The following CTNNA3 variants were observed in gnomAD, a reference collection of about 807,000 sequenced individuals.
CTNNA3 encodes catenin alpha-3.
A neutral mutation model predicts 95.7 loss-of-function variants in CTNNA3; 76 were observed. That is an observed-to-expected ratio of 0.79 (90% CI 0.66 to 0.96). The LOEUF is 0.96. Ranked by LOEUF, CTNNA3 falls within the 40% of genes least tolerant of loss-of-function variation. The pLI, the probability that CTNNA3 is intolerant of heterozygous loss-of-function variation, is 0.00. For synonymous variants in CTNNA3, 431 were observed against 374.4 expected, an observed-to-expected ratio of 1.15 and a Z score of -1.74; for missense variants, 1,191 against 1,089.8, an observed-to-expected ratio of 1.09 and a Z score of -1.31.
intron 7 of CTNNA3, among the ~76,000 whole-genome samples, chr10:66,963,473 CTT>C (rs1438167504): frequency 2.0e-5 from 3 of 152,144 alleles, no homozygotes; most frequent in African/African-American, 7.2e-5. Flanking sequence ...ACAACGATTA[CTT>C]TCCAAGTAGA....
At chr10:66,322,065 G>C (rs964594090) in intron 12 of CTNNA3, among the ~76,000 whole-genome samples, 26 of 152,236 alleles carry the variant, frequency 1.7e-4, no homozygotes, top group African/African-American at 6.3e-4. Context: ...CTGGTAGATA[G>C]GGCCCAGAAC....
At chr10:67,016,567 C>T (rs1334443304) in intron 7 of CTNNA3, among the ~76,000 whole-genome samples, 3 of 152,084 alleles carry the variant, frequency 2.0e-5, no homozygotes, top group Admixed American at 6.6e-5. Flanking sequence ...GAGTCTCAGG[C>T]GGGATTTCTA....
At chr10:67,637,077 G>A (rs1006527413) in intron 2 of CTNNA3, among the ~76,000 whole-genome samples, 3 of 152,272 alleles carry the variant, frequency 2.0e-5, no homozygotes, top group Admixed American at 1.3e-4. Flanking sequence ...AGCTAAAGGA[G>A]GAAGTTCGAA....
chr10:65,916,293 T>C lies in CTNNA3; in HGVS notation c.*4037A>G, dbSNP rs1435885487. 6.6e-6 allele frequency: 1 copy of C among 152,144 alleles called. No individual in the cohort carries two copies. The highest frequency in any genetic ancestry group is 1.5e-5 in the Non-Finnish European group (1 of 68,018). 9.4% of individuals were successfully genotyped at this position (152,144 alleles called of 1,614,324 possible). A position where few individuals can be genotyped will look rare whatever the true frequency, so the allele number is the denominator to read the frequency against. ...AAAATGAATATTTGATTCCTAAATATACAATAGGCAGGCTGTCTTGGCAAA... is the reference window on the plus strand; with the variant it reads ...AAAATGAATATTTGATTCCTAAATACACAATAGGCAGGCTGTCTTGGCAAA... On this transcript the variant is annotated 3_prime_UTR_variant, in exon 18 of 18. Transcript: ENST00000433211.
In CTNNA3 at chr10:66,663,375, G is replaced by A. The variant is rs10740246; in HGVS notation, c.1282-41591C>T. Among the ~76,000 whole-genome samples, 950 of 151,162 alleles carry A rather than the reference G, an allele frequency of 6.3e-3. 16 individuals carry two copies. The highest frequency in any genetic ancestry group is 0.021 in the African/African-American group (872 of 41,246). On this transcript the variant is annotated intron_variant, in intron 9 of 17. Coordinates refer to ENST00000433211, the MANE Select transcript of CTNNA3 (RefSeq NM_013266.4). ...ACTCTTCCCACTCTTTGGGACCATC[G>A]TCCTCCAAATTTGTCCAGGATATTT...
chr10:67,342,335 C>T (rs942475214), intron 5 of CTNNA3, among the ~76,000 whole-genome samples: 1 of 152,004 alleles, frequency 6.6e-6, no homozygotes, highest in African/African-American at 2.4e-5. Context: ...ATCTCCTGAC[C>T]TTGTGATCCA....
chr10:67,364,357 G>A (rs897533569), intron 5 of CTNNA3, among the ~76,000 whole-genome samples: 6 of 152,096 alleles, frequency 3.9e-5, no homozygotes, highest in Non-Finnish European at 7.4e-5. Flanking sequence ...CAAACCCACA[G>A]CCAATATCAT....
At chr10:66,937,630 T>G (rs542452712) in intron 7 of CTNNA3, among the ~76,000 whole-genome samples, 3 of 152,104 alleles carry the variant, frequency 2.0e-5, no homozygotes, top group African/African-American at 7.2e-5. Context: ...TGGTAGTACA[T>G]AAAACCAATG....
chr10:67,506,650 C>G (rs562766634), intron 5 of CTNNA3, among the ~76,000 whole-genome samples: 20 of 152,280 alleles, frequency 1.3e-4, no homozygotes, highest in Non-Finnish European at 2.4e-4. Flanking sequence ...CCTAGGCATG[C>G]TCCTAGCACT....
At chr10:65,921,784 C>T (rs557944822) in intron 17 of CTNNA3, among the ~76,000 whole-genome samples, 119 of 152,232 alleles carry the variant, frequency 7.8e-4, no homozygotes, top group African/African-American at 2.7e-3. Flanking sequence ...TAAATTGGTA[C>T]CAAATGTAGC....
At chr10:66,040,432 T>C (rs1424642991) in intron 15 of CTNNA3, among the ~76,000 whole-genome samples, 2 of 151,962 alleles carry the variant, frequency 1.3e-5, no homozygotes, top group African/African-American at 4.8e-5. Context: ...CACGTGTATG[T>C]TCATTGCAAC....
At chr10:65,984,655 C>A (rs117052982) in intron 16 of CTNNA3, among the ~76,000 whole-genome samples, 2 of 151,082 alleles carry the variant, frequency 1.3e-5, no homozygotes, top group African/African-American at 4.8e-5. Flanking sequence ...TTCAAGGCAA[C>A]CTGATCCAAT....
At chr10:66,449,355 T>A (rs1374088243) in intron 11 of CTNNA3, among the ~76,000 whole-genome samples, 1 of 151,962 alleles carries the variant, frequency 6.6e-6, no homozygotes, top group African/African-American at 2.4e-5. Flanking sequence ...AGAAACAAGA[T>A]GGGAGAAGAG....
chr10:66,682,448 A>T (rs1433999429), intron 9 of CTNNA3, among the ~76,000 whole-genome samples: 1 of 152,180 alleles, frequency 6.6e-6, no homozygotes, highest in Non-Finnish European at 1.5e-5. Context: ...GCTACAGATT[A>T]AAATATGGAT....
chr10:67,513,138 A>C (rs1839694631), intron 5 of CTNNA3, among the ~76,000 whole-genome samples: 1 of 152,126 alleles, frequency 6.6e-6, no homozygotes, highest in South Asian at 2.1e-4. Flanking sequence ...TTGATATGAA[A>C]CCCAATTTCC....
intron 13 of CTNNA3, among the ~76,000 whole-genome samples, chr10:66,181,217 TATG>T (rs1462544688): frequency 6.6e-6 from 1 of 152,236 alleles, no homozygotes. Context: ...TTAACTTATT[TATG>T]TTTTCTCCTC....
At chr10:67,167,848 A>G (rs1027170384) in intron 7 of CTNNA3, among the ~76,000 whole-genome samples, 4 of 152,174 alleles carry the variant, frequency 2.6e-5, no homozygotes, top group African/African-American at 9.7e-5. Context: ...TATAGAGGTT[A>G]TCGGCCGAGT....
chr10:66,191,264 A>G (rs1236663857), intron 13 of CTNNA3, among the ~76,000 whole-genome samples: 1 of 152,128 alleles, frequency 6.6e-6, no homozygotes, highest in African/African-American at 2.4e-5. Context: ...TGGAACAGAA[A>G]TAAGGGTCTC....
intron 15 of CTNNA3, among the ~76,000 whole-genome samples, chr10:66,044,531 C>T (rs998216419): frequency 6.6e-6 from 1 of 151,742 alleles, no homozygotes; most frequent in African/African-American, 2.4e-5. Flanking sequence ...TTTTGGCTCT[C>T]TTCTAATATT....
Sources: allele counts gnomAD v4.1 joint callset (sites outside exome capture counted in the v4.1 genomes callset), GRCh38; gene constraint gnomAD v4.1.1; transcripts MANE v1.5; gene names NCBI Gene and HGNC (gene_info 2026-07-23, HGNC 2026-07-21).